Variants in COQ8A observed in about 807,000 individuals in gnomAD.
COQ8A encodes atypical kinase COQ8A, mitochondrial.
Under a neutral mutation model 65.0 loss-of-function variants are expected in COQ8A, and 51 were observed. The ratio of observed to expected loss-of-function variants is 0.78; its 90% CI spans 0.63 to 0.99. COQ8A has a LOEUF of 0.99. Among genes scored for constraint, COQ8A ranks in the 50% least tolerant of loss-of-function variants. The pLI is 0.00. For missense variants in COQ8A, 940 were observed against 875.0 expected (o/e 1.07, Z -0.94); for synonymous variants, 371 against 353.2 (o/e 1.05, Z -0.57).
chr1:226,983,967 A>AGCCTGGGCCGAGGCCATATCCT, intron 10 of COQ8A, 113 bp downstream of exon 10: 34 of 1,485,134 alleles, frequency 2.3e-5, no homozygotes, highest in Non-Finnish European at 2.9e-5. Flanking sequence ...CTGGGGTTGC[A>AGCCTGGGCCGAGGCCATATCCT]GCCTGGGCCG....
intron 4 of COQ8A, among the ~76,000 whole-genome samples, chr1:226,970,282 C>T (rs972827084): frequency 1.2e-4 from 19 of 152,146 alleles, no homozygotes; most frequent in Non-Finnish European, 2.4e-4. Flanking sequence ...GGATTCAGTC[C>T]GAGAAATGTG....
In COQ8A at chr1:226,986,506, C is replaced by A. The variant is rs886046069; in HGVS notation, c.1713C>A (p.Ala571=). The A allele has an allele frequency of 3.7e-5, 60 of 1,613,654 alleles. No homozygotes were observed. Among genetic ancestry groups the A allele is most frequent in the Non-Finnish European group, 4.7e-5 (55 of 1,180,022 alleles). The change falls in exon 15 of 15, where the codon GCC becomes GCA. Residue 571 remains alanine (A), a synonymous_variant. Coordinates refer to ENST00000366777, the MANE Select transcript of COQ8A (RefSeq NM_020247.5). ...TCCTCATCCTGGGGGAGGCCTTCGC[C>A]TCTGATGAGCCTTTTGATTTTGGCA... ...DAILILGEAF[A]SDEPFDFGTQ...
At chr1:226,958,046 G>A (rs1657918070) in intron 1 of COQ8A, 1 of 152,074 alleles carries the variant, frequency 6.6e-6, no homozygotes, top group African/African-American at 2.4e-5. Context: ...CTTCAATAAA[G>A]ACATTTATTT....
In COQ8A at chr1:226,984,174, A is replaced by T. The variant is rs912353507; in HGVS notation, c.1337A>T (p.Glu446Val). 6.2e-7 allele frequency: 1 copy of T among 1,613,694 alleles called. No individual in the cohort carries two copies. The highest frequency in any genetic ancestry group is 1.3e-5 in the African/African-American group (1 of 74,902). Reference sequence around the variant, plus strand: ...TGCAGCCCACATGTGCTGACCACAGAGCTGGTGTCTGGCTTCCCCCTGGAC... The same window carrying T: ...TGCAGCCCACATGTGCTGACCACAGTGCTGGTGTCTGGCTTCCCCCTGGAC... ...ELCSPHVLTT[E>V]LVSGFPLDQA... Residue 446 changes from glutamate (E) to valine (V), a missense_variant, in exon 11 of 15, where the codon GAG becomes GTG. Transcript: ENST00000366777.
intron 1 of COQ8A, among the ~76,000 whole-genome samples, chr1:226,954,964 C>G (rs369785225): frequency 1.3e-5 from 2 of 152,006 alleles, no homozygotes; most frequent in Admixed American, 6.6e-5. Flanking sequence ...TGCTGAGATC[C>G]GGGAGGAGGA....
At chr1:226,980,937 C>T (rs1162683350) in intron 5 of COQ8A, among the ~76,000 whole-genome samples, 2 of 152,258 alleles carry the variant, frequency 1.3e-5, no homozygotes, top group Admixed American at 6.5e-5. Context: ...TCTTCCCCTG[C>T]TGGGGACCTG....
At position 226,983,735 on chromosome 1, in the gene COQ8A, C is replaced by T. The variant is rs781354287; in HGVS notation, c.1163-26C>T. ...GTCCTCCCTGCAGAGCCCCCTTCCT[C>T]GCTGATGCCCTCCTCCCTGGCCCAG... On this transcript the variant is annotated intron_variant, in intron 9 of 14. Coordinates refer to ENST00000366777, the MANE Select transcript of COQ8A (RefSeq NM_020247.5). The T allele has an allele frequency of 8.1e-6, 13 of 1,612,858 alleles. No homozygotes were observed. In the Admixed American group the frequency reaches 1.2e-4, roughly 14 times the overall value.
intron 7 of COQ8A, 50 bp downstream of exon 7, chr1:226,982,813 G>A (rs1483047551): frequency 6.2e-7 from 1 of 1,612,834 alleles, no homozygotes; most frequent in Admixed American, 1.7e-5. Context: ...GCCCCCACTG[G>A]GTGGAGGGGA....
chr1:226,985,240 G>T lies in COQ8A; in HGVS notation c.1573-14G>T. 6.2e-7 allele frequency: 1 copy of T among 1,612,894 alleles called. No homozygotes were observed. Among genetic ancestry groups the T allele is most frequent in the South Asian group, 1.1e-5 (1 of 91,084 alleles). ...TTCATGCTGCCCACGGTCCCCTCCT[G>T]TGCCTCTCCCCAGATCATCAGGGCT... On this transcript the variant is annotated splice_polypyrimidine_tract_variant and intron_variant, in intron 13 of 14. Transcript: ENST00000366777.
chr1:226,965,587 G>A (rs1440706071), intron 3 of COQ8A, 84 bp from the exon 4 acceptor site: 1 of 1,539,618 alleles, frequency 6.5e-7, no homozygotes, highest in African/African-American at 1.4e-5. Context: ...GGGTGGAGAG[G>A]AGATGTGGGG....
At chr1:226,961,666 C>A in intron 2 of COQ8A, 104 bp downstream of exon 2, 1 of 1,397,450 alleles carries the variant, frequency 7.2e-7, no homozygotes, top group Non-Finnish European at 9.6e-7. Context: ...TCTTTGGTGG[C>A]CAGGGCCTGA....
In COQ8A at chr1:226,961,447, C is replaced by A; in HGVS notation, c.62C>A (p.Ala21Glu). 4.3e-6 allele frequency: 7 copies of A among 1,613,788 alleles called. No homozygotes were observed. Among genetic ancestry groups the A allele is most frequent in the Non-Finnish European group, 5.9e-6 (7 of 1,180,034 alleles). Residue 21 changes from alanine to glutamate, a missense_variant, in exon 2 of 15, where the codon GCG (alanine) becomes GAG (glutamate). Transcript: ENST00000366777. The part of the protein sequence containing the change: ...VAKGLVKLTQ[A>E]AVETHLQHLG... ...AAAGGCCTTGTCAAGCTGACCCAGG[C>A]GGCCGTGGAAACCCACCTGCAGCAC...
At chr1:226,960,594 G>T (rs545645984) in intron 1 of COQ8A, among the ~76,000 whole-genome samples, 17 of 140,724 alleles carry the variant, frequency 1.2e-4, no homozygotes, top group African/African-American at 4.3e-4. Flanking sequence ...TGGTGGTGGT[G>T]GTGGCGGCAG....
chr1:226,949,758 A>G lies in COQ8A; in HGVS notation c.-10+9359A>G, dbSNP rs956095013. On this transcript the variant is annotated intron_variant, in intron 1 of 14. Transcript: ENST00000366777. The surrounding 1 kb of genome is among the most constrained non-coding windows in gnomAD (Gnocchi z 4.0). Reference sequence around the variant, plus strand: ...ATGTCTGTGTGCTTGCAATACTACTACTAATAATAATGGCATTAGCTAATG... The same window carrying G: ...ATGTCTGTGTGCTTGCAATACTACTGCTAATAATAATGGCATTAGCTAATG... Among the ~76,000 whole-genome samples, 1 of 152,108 alleles carries G rather than the reference A, an allele frequency of 6.6e-6. No individual in the cohort carries two copies. Among genetic ancestry groups the G allele is most frequent in the Non-Finnish European group, 1.5e-5 (1 of 68,024 alleles).
Position 226,972,179 on chromosome 1 carries a change from G to C in COQ8A, c.656-5270G>C, listed in dbSNP as rs990535119. ...GAGAAGACTTGCCAGAAGGAGTTGAGCACTGCTTTGTGCATAGCTCTGTGG... is the reference window on the plus strand; with the variant it reads ...GAGAAGACTTGCCAGAAGGAGTTGACCACTGCTTTGTGCATAGCTCTGTGG... On this transcript the variant is annotated intron_variant, in intron 4 of 14. Coordinates refer to ENST00000366777, the MANE Select transcript of COQ8A (RefSeq NM_020247.5). This position sits in a 1 kb window ranked among gnomAD's most constrained non-coding sequence, Gnocchi z 4.3. Among the ~76,000 whole-genome samples, 2 of 152,178 alleles carry C rather than the reference G, an allele frequency of 1.3e-5. No individual in the cohort carries two copies. The highest frequency in any genetic ancestry group is 4.8e-5 in the African/African-American group (2 of 41,438).
chr1:226,941,792 G>C (rs914883563), intron 1 of COQ8A, among the ~76,000 whole-genome samples: 1 of 150,152 alleles, frequency 6.7e-6, no homozygotes, highest in African/African-American at 2.4e-5. Context: ...AAAAAAAAAG[G>C]CTCAGGCAAT....
intron 2 of COQ8A, among the ~76,000 whole-genome samples, chr1:226,962,214 G>A (rs547245452): frequency 3.9e-4 from 60 of 152,306 alleles, no homozygotes; most frequent in Non-Finnish European, 7.8e-4. Flanking sequence ...ACTCCTGACT[G>A]GGGGCCCTCC....
At position 226,986,595 on chromosome 1, in the gene COQ8A, C is replaced by T. The variant is rs1349164944; in HGVS notation, c.1802C>T (p.Pro601Leu). The T allele has an allele frequency of 1.2e-6, 2 of 1,613,956 alleles. No homozygotes were observed. Among genetic ancestry groups the T allele is most frequent in the Non-Finnish European group, 1.7e-6 (2 of 1,180,000 alleles). Reference protein sequence around the residue: ...IPVMLRHRLVPPPEETYSLHR... With the variant: ...IPVMLRHRLVLPPEETYSLHR... ...GTCATGCTGAGGCACCGTCTCGTCC[C>T]CCCACCCGAGGAAACCTACTCCCTG... The change falls in exon 15 of 15, where the codon CCC (proline) becomes CTC (leucine). Residue 601 changes from proline to leucine, a missense_variant. Coordinates refer to ENST00000366777, the MANE Select transcript of COQ8A (RefSeq NM_020247.5).
intron 4 of COQ8A, among the ~76,000 whole-genome samples, chr1:226,976,304 G>C (rs118075665): frequency 0.032 from 4,761 of 147,854 alleles, 258 homozygotes; most frequent in East Asian, 0.21. Flanking sequence ...GCGGGGCTGT[G>C]GGACTGCGAT....
Sources: gnomAD v4.1 joint callset for allele counts (sites outside exome capture counted in the v4.1 genomes callset) on GRCh38, gnomAD v4.1.1 for gene constraint, Gnocchi (gnomAD v3.1) non-coding constraint, MANE v1.5 for transcripts, NCBI Gene and HGNC (gene_info 2026-07-23, HGNC 2026-07-21) for gene names.